Variants in NDUFA9 observed in about 807,000 individuals in gnomAD.
The protein encoded by NDUFA9 is NADH dehydrogenase [ubiquinone] 1 alpha subcomplex subunit 9, mitochondrial.
Under a neutral mutation model 45.9 loss-of-function variants are expected in NDUFA9, and 23 were observed. That is an observed-to-expected ratio of 0.50 (90% CI 0.36 to 0.71). NDUFA9 has a LOEUF of 0.71. Ranked by LOEUF, NDUFA9 falls within the 30% of genes least tolerant of loss-of-function variation. NDUFA9 has a pLI of 0.00. For missense variants in NDUFA9, 466 were observed against 488.2 expected (o/e 0.95, Z 0.43); for synonymous variants, 176 against 170.5 (o/e 1.03, Z -0.25).
At position 4,669,830 on chromosome 12, in the gene NDUFA9, A is replaced by C. The variant is rs769065371; in HGVS notation, c.800+13A>C. The C allele has an allele frequency of 6.3e-7, 1 of 1,588,162 alleles. No individual in the cohort carries two copies. The highest frequency in any genetic ancestry group is 8.6e-7 in the Non-Finnish European group (1 of 1,156,764). ...TTGCTTTCGTTGGGTAAGTGCTTAGAGTTTGAATTTTAAATTGTGCTATTA... is the reference window on the plus strand; with the variant it reads ...TTGCTTTCGTTGGGTAAGTGCTTAGCGTTTGAATTTTAAATTGTGCTATTA... On this transcript the variant is annotated intron_variant, in intron 8 of 10. Coordinates refer to ENST00000266544, the MANE Select transcript of NDUFA9 (RefSeq NM_005002.5).
At chr12:4,660,073 C>CA (rs145925338) in intron 5 of NDUFA9, among the ~76,000 whole-genome samples, 1,697 of 152,198 alleles carry the variant, frequency 0.011, 36 homozygotes, top group African/African-American at 0.039. Flanking sequence ...AGAGAAGAGT[C>CA]AAAGATGTCC....
chr12:4,653,612 A>C (rs964232162), intron 1 of NDUFA9: 2 of 451,132 alleles, frequency 4.4e-6, no homozygotes, highest in East Asian at 7.0e-5. Flanking sequence ...TCTAAAAGTC[A>C]GAATATCTTT....
intron 9 of NDUFA9, among the ~76,000 whole-genome samples, chr12:4,682,532 A>G (rs554026370): frequency 6.6e-6 from 1 of 152,356 alleles, no homozygotes; most frequent in East Asian, 1.9e-4. Flanking sequence ...ACTTCCCAAA[A>G]GTGAAGATGC....
intron 10 of NDUFA9, 90 bp from the exon 11 acceptor site, chr12:4,686,848 T>C (rs1002952042): frequency 8.0e-7 from 1 of 1,256,984 alleles, no homozygotes; most frequent in Non-Finnish European, 1.1e-6. Flanking sequence ...ATAGGACTCA[T>C]GCCAGCTTGA....
chr12:4,659,124 G>A lies in NDUFA9; in HGVS notation c.499G>A (p.Val167Ile), dbSNP rs1378431701. 6 of 1,610,212 alleles carry A rather than the reference G, an allele frequency of 3.7e-6. No homozygotes were observed. The highest frequency in any genetic ancestry group is 5.1e-6 in the Non-Finnish European group (6 of 1,176,694). ...KEAGVEKFIH[V>I]SHLNANIKSS... ...AGCTGGAGTTGAAAAATTCATTCAT[G>A]TTTCACATCTGAATGCGAATATTAA... Residue 167 changes from valine (V) to isoleucine (I), a missense_variant, in exon 5 of 11, where the codon GTT (valine) becomes ATT (isoleucine). Physicochemically the swap from Val to Ile is conservative, Grantham distance 29. Coordinates refer to ENST00000266544, the MANE Select transcript of NDUFA9 (RefSeq NM_005002.5).
At chr12:4,675,897 C>A (rs567512638) in intron 8 of NDUFA9, among the ~76,000 whole-genome samples, 1 of 151,902 alleles carries the variant, frequency 6.6e-6, no homozygotes, top group Non-Finnish European at 1.5e-5. Flanking sequence ...AACATTGAAT[C>A]GAAAATCCTC....
At chr12:4,685,659 C>T (rs1945981693) in intron 10 of NDUFA9, among the ~76,000 whole-genome samples, 1 of 151,384 alleles carries the variant, frequency 6.6e-6, no homozygotes, top group Non-Finnish European at 1.5e-5. Flanking sequence ...CCTAACTCCT[C>T]CTAACTTCCT....
chr12:4,666,471 C>T (rs965039934), intron 6 of NDUFA9, among the ~76,000 whole-genome samples: 2 of 152,172 alleles, frequency 1.3e-5, no homozygotes, highest in African/African-American at 4.8e-5. Context: ...AGTCCAATGC[C>T]ATGAAGCTTT....
In NDUFA9 at chr12:4,688,159, A is replaced by G. The variant is rs1945998861; in HGVS notation, c.*1051A>G. ...CAAGTGTGGTCCATAGATCACCAGC[A>G]TTGGGATCATCTTGGGGCTTGTTAG... is the stretch of plus-strand genomic sequence containing the variant. On this transcript the variant is annotated 3_prime_UTR_variant, in exon 11 of 11. Coordinates refer to ENST00000266544, the MANE Select transcript of NDUFA9 (RefSeq NM_005002.5). 6.6e-6 allele frequency: 1 copy of G among 152,204 alleles called. No homozygotes were observed. Among genetic ancestry groups the G allele is most frequent in the Non-Finnish European group, 1.5e-5 (1 of 68,090 alleles). The allele number at this position is 152,204 out of a possible 1,614,324, so 9.4% of individuals were successfully genotyped here.
Position 4,659,033 on chromosome 12 carries a change from C to T in NDUFA9, c.411-3C>T. On this transcript the variant is annotated splice_polypyrimidine_tract_variant and splice_region_variant and intron_variant, in intron 4 of 10. Transcript: ENST00000266544. Reference sequence around the variant, plus strand: ...ACCAATCCTTTTATTTTTTATCTTCCAGAAACTTTGATTTTGAGGATGTTT... The same window carrying T: ...ACCAATCCTTTTATTTTTTATCTTCTAGAAACTTTGATTTTGAGGATGTTT... 1 of 1,610,740 alleles carries T rather than the reference C, an allele frequency of 6.2e-7. No individual in the cohort carries two copies. The highest frequency in any genetic ancestry group is 1.1e-5 in the South Asian group (1 of 90,756).
intron 1 of NDUFA9, 111 bp downstream of exon 1, chr12:4,649,286 T>C: frequency 7.8e-7 from 1 of 1,287,744 alleles, no homozygotes; most frequent in Admixed American, 2.0e-5. Context: ...AGGCACACTC[T>C]GGTTTCTCTA....
At chr12:4,685,135 TA>T (rs374564173) in intron 9 of NDUFA9, 123 bp from the exon 10 acceptor site, 47,750 of 484,284 alleles carry the variant, frequency 0.099, 28 homozygotes, top group South Asian at 0.17. Flanking sequence ...GTTATTTTCT[TA>T]AAAAAAAAAA....
At chr12:4,662,942 TC>T (rs1945832083) in intron 6 of NDUFA9, among the ~76,000 whole-genome samples, 2 of 152,176 alleles carry the variant, frequency 1.3e-5, no homozygotes, top group Admixed American at 6.5e-5. Flanking sequence ...AGTTTCTCTA[TC>T]CTAAAATCCC....
intron 1 of NDUFA9, among the ~76,000 whole-genome samples, chr12:4,651,291 T>C (rs1323562650): frequency 6.6e-6 from 1 of 152,130 alleles, no homozygotes; most frequent in African/African-American, 2.4e-5. Flanking sequence ...ATTCTTCTAA[T>C]AGTACTCATA....
chr12:4,649,285 C>G (rs1258726981), intron 1 of NDUFA9, 110 bp downstream of exon 1: 1 of 1,286,098 alleles, frequency 7.8e-7, no homozygotes, highest in African/African-American at 1.5e-5. Flanking sequence ...TAGGCACACT[C>G]TGGTTTCTCT....
At chr12:4,655,527 A>G (rs1455514703) in intron 3 of NDUFA9, 2 of 152,246 alleles carry the variant, frequency 1.3e-5, no homozygotes, top group Non-Finnish European at 2.9e-5. Flanking sequence ...TATTTTGGAT[A>G]TATTAGGTTA....
intron 8 of NDUFA9, 35 bp downstream of exon 8, chr12:4,669,852 A>G (rs758100869): frequency 8.9e-6 from 13 of 1,459,804 alleles, no homozygotes; most frequent in Admixed American, 5.0e-5. Flanking sequence ...AAATTGTGCT[A>G]TTATAATGAA....
At position 4,655,304 on chromosome 12, in the gene NDUFA9, G is replaced by T. The variant is rs1055367487; in HGVS notation, c.318+382G>T. On this transcript the variant is annotated intron_variant, in intron 3 of 10. Transcript: ENST00000266544. ...GGCTGCAGGCTGAATTTGGCCTATG[G>T]ACTATAGTTTATCAATCCCTGCTCT... 2.1e-5 allele frequency: 4 copies of T among 187,902 alleles called. No individual in the cohort carries two copies. In the East Asian group the frequency reaches 5.8e-4, roughly 27 times the overall value. The allele number at this position is 187,902 out of a possible 1,614,324, so 11.6% of individuals were successfully genotyped here.
At chr12:4,674,877 G>A (rs967750459) in intron 8 of NDUFA9, among the ~76,000 whole-genome samples, 3 of 152,292 alleles carry the variant, frequency 2.0e-5, no homozygotes, top group African/African-American at 7.2e-5. Context: ...TTTCTTCTCA[G>A]CACCACATTG....
Sources: gnomAD v4.1 joint callset for allele counts (sites outside exome capture counted in the v4.1 genomes callset) on GRCh38, gnomAD v4.1.1 for gene constraint, MANE v1.5 for transcripts, NCBI Gene and HGNC (gene_info 2026-07-23, HGNC 2026-07-21) for gene names.